The following CPEB3 variants were observed in gnomAD, a reference collection of about 807,000 sequenced individuals.
The protein encoded by CPEB3 is cytoplasmic polyadenylation element binding protein 3.
In CPEB3, 20 loss-of-function variants were observed where a neutral mutation model predicts 67.2. The ratio of observed to expected loss-of-function variants is 0.30; its 90% CI spans 0.21 to 0.43. The LOEUF (loss-of-function observed/expected upper bound fraction) is 0.43. CPEB3 is among the 20% of genes least tolerant of loss of function. The probability of loss-of-function intolerance (pLI) is 1.00; values close to 1 mark genes in which losing one functional copy is unlikely to be tolerated. For missense variants in CPEB3, 746 were observed against 968.6 expected, an observed-to-expected ratio of 0.77 and a Z score of 3.05; for synonymous variants, 376 against 393.1, an observed-to-expected ratio of 0.96 and a Z score of 0.51.
intron 4 of CPEB3, among the ~76,000 whole-genome samples, chr10:92,159,392 C>T (rs996557413): frequency 6.6e-6 from 1 of 152,074 alleles, no homozygotes. Flanking sequence ...CTATTTCTGA[C>T]TGGGTGCAGT....
At chr10:92,076,631 C>T (rs2133176979) in intron 9 of CPEB3, among the ~76,000 whole-genome samples, 1 of 152,160 alleles carries the variant, frequency 6.6e-6, no homozygotes, top group African/African-American at 2.4e-5. Flanking sequence ...CCAGGTTGGT[C>T]TCGAACTTCT....
chr10:92,093,821 ACT>A (rs1185638141), intron 7 of CPEB3, among the ~76,000 whole-genome samples: 1 of 151,238 alleles, frequency 6.6e-6, no homozygotes, highest in Admixed American at 6.6e-5. Flanking sequence ...ATTCTTTAAG[ACT>A]GCTACAAATT....
At chr10:92,084,043 G>A (rs901762717) in intron 8 of CPEB3, among the ~76,000 whole-genome samples, 3 of 151,898 alleles carry the variant, frequency 2.0e-5, no homozygotes, top group Non-Finnish European at 2.9e-5. Context: ...TTAGCCGGGC[G>A]TGGTGGCAGA....
At chr10:92,217,619 G>C (rs1409780222) in intron 2 of CPEB3, among the ~76,000 whole-genome samples, 1 of 152,062 alleles carries the variant, frequency 6.6e-6, no homozygotes, top group Non-Finnish European at 1.5e-5. Flanking sequence ...AAAATTAGCT[G>C]GGCGTGGTGG....
chr10:92,208,631 T>C (rs900516311), intron 2 of CPEB3, among the ~76,000 whole-genome samples: 5 of 151,594 alleles, frequency 3.3e-5, no homozygotes, highest in African/African-American at 1.2e-4. Flanking sequence ...TCTCACTCTG[T>C]TGCCCAGGCT....
At chr10:92,216,679 A>T (rs1015008710) in intron 2 of CPEB3, 5 of 1,606,580 alleles carry the variant, frequency 3.1e-6, no homozygotes, top group Admixed American at 3.3e-5. Flanking sequence ...ACCTGGGTGC[A>T]GCCACAGGCT....
intron 6 of CPEB3, among the ~76,000 whole-genome samples, chr10:92,122,231 G>A (rs981057173): frequency 1.3e-5 from 2 of 152,224 alleles, no homozygotes; most frequent in African/African-American, 4.8e-5. Flanking sequence ...AAGAGCAAAG[G>A]CCATATCTGA....
At chr10:92,079,728 T>G (rs567617669) in intron 9 of CPEB3, among the ~76,000 whole-genome samples, 6 of 152,304 alleles carry the variant, frequency 3.9e-5, no homozygotes, top group African/African-American at 9.6e-5. Context: ...GTTAAAATTT[T>G]TACCTAAGAA....
intron 9 of CPEB3, among the ~76,000 whole-genome samples, chr10:92,064,785 T>G (rs983866431): frequency 1.3e-5 from 2 of 152,160 alleles, no homozygotes; most frequent in Non-Finnish European, 2.9e-5. Flanking sequence ...GGATCAGAAG[T>G]AGAAACTCCA....
At chr10:92,085,678 G>A (rs1377226266) in intron 8 of CPEB3, among the ~76,000 whole-genome samples, 3 of 151,866 alleles carry the variant, frequency 2.0e-5, no homozygotes, top group African/African-American at 4.8e-5. Context: ...ACACGATCTC[G>A]GCTCACTGCA....
intron 4 of CPEB3, among the ~76,000 whole-genome samples, chr10:92,172,949 A>G (rs1171451162): frequency 6.6e-6 from 1 of 152,228 alleles, no homozygotes; most frequent in Non-Finnish European, 1.5e-5. Context: ...TTTAGGAAGA[A>G]ATTAAGGTGG....
intron 2 of CPEB3, among the ~76,000 whole-genome samples, chr10:92,193,195 G>A (rs1054357421): frequency 6.6e-6 from 1 of 151,850 alleles, no homozygotes; most frequent in African/African-American, 2.4e-5. Context: ...CTGGATGACA[G>A]AGCAAGACTC....
intron 4 of CPEB3, among the ~76,000 whole-genome samples, chr10:92,148,436 T>C (rs555315492): frequency 1.3e-5 from 2 of 152,350 alleles, no homozygotes; most frequent in South Asian, 2.1e-4. Flanking sequence ...GGTTGAACTT[T>C]CCTAAGCCTT....
chr10:92,234,414 A>G (rs1484654480), intron 2 of CPEB3, among the ~76,000 whole-genome samples: 2 of 152,218 alleles, frequency 1.3e-5, no homozygotes, highest in African/African-American at 2.4e-5. Flanking sequence ...TTCTACAAAT[A>G]CAAAATTTTT....
At chr10:92,121,017 T>C (rs1024242891) in intron 6 of CPEB3, among the ~76,000 whole-genome samples, 3 of 146,588 alleles carry the variant, frequency 2.0e-5, no homozygotes, top group Non-Finnish European at 4.5e-5. Flanking sequence ...TTACTTTTTT[T>C]TTTCTTTTTG....
intron 4 of CPEB3, among the ~76,000 whole-genome samples, chr10:92,158,488 G>A (rs1272862978): frequency 1.3e-5 from 2 of 151,952 alleles, no homozygotes; most frequent in Admixed American, 1.3e-4. Context: ...TGGTCACTCT[G>A]AATTTCTTAC....
At chr10:92,168,171 T>C (rs1847833313) in intron 4 of CPEB3, among the ~76,000 whole-genome samples, 1 of 152,208 alleles carries the variant, frequency 6.6e-6, no homozygotes, top group African/African-American at 2.4e-5. Context: ...TTTTGTGGAT[T>C]GGTCAGAAAA....
intron 6 of CPEB3, chr10:92,138,374 G>A (rs1846216576): frequency 1.0e-5 from 2 of 193,052 alleles, no homozygotes; most frequent in Non-Finnish European, 2.2e-5. Context: ...CTCATCTGAG[G>A]GGCTATCCTG....
Position 92,071,173 on chromosome 10 carries a change from C to G in CPEB3, c.1869+10147G>C, listed in dbSNP as rs1347283154. 2.6e-5 allele frequency among the ~76,000 whole-genome samples: 4 copies of G among 152,104 alleles called. No homozygotes were observed. In the East Asian group the frequency reaches 7.7e-4, roughly 29 times the overall value. ...AAACCCCAGATTGGCTGATTCTAGT[C>G]TAGTATCCTTTCTACTAGTAAAAAT... On this transcript the variant is annotated intron_variant, in intron 9 of 9. Transcript: ENST00000265997.
Sources: gnomAD v4.1 joint callset for allele counts (sites outside exome capture counted in the v4.1 genomes callset) on GRCh38, gnomAD v4.1.1 for gene constraint, MANE v1.5 for transcripts, NCBI Gene and HGNC (gene_info 2026-07-23, HGNC 2026-07-21) for gene names.